LMO2: variants seen among roughly 807,000 people sequenced by gnomAD.
LMO2 encodes rhombotin-2.
LMO2 carries 20 observed loss-of-function variants against 23.2 expected under a neutral mutation model. The observed-to-expected ratio is 0.86, with a 90% CI of 0.61 to 1.25. LMO2 has a LOEUF of 1.25. Ranked by LOEUF, LMO2 falls within the 50% of genes most tolerant of loss-of-function variation. The pLI, the probability that LMO2 is intolerant of heterozygous loss-of-function variation, is 0.00. For synonymous variants in LMO2, 123 were observed against 130.2 expected (o/e 0.94, Z 0.38); for missense variants, 270 against 315.3 (o/e 0.86, Z 1.09).
intron 2 of LMO2, among the ~76,000 whole-genome samples, chr11:33,874,387 A>T (rs1022337063): frequency 6.6e-6 from 1 of 152,234 alleles, no homozygotes; most frequent in African/African-American, 2.4e-5. Context: ...CACTTCTCTG[A>T]ACCTCAGTTT....
chr11:33,876,644 T>C (rs1220207960), intron 2 of LMO2, among the ~76,000 whole-genome samples: 2 of 152,094 alleles, frequency 1.3e-5, no homozygotes, highest in Non-Finnish European at 2.9e-5. Flanking sequence ...AAACAGGTGG[T>C]GTCTGGAATT....
At chr11:33,870,540 G>T (rs1856990114) in intron 2 of LMO2, 2 of 985,866 alleles carry the variant, frequency 2.0e-6, no homozygotes, top group African/African-American at 1.7e-5. Context: ...ATGGTGGTGC[G>T]CCAGCCGGGA....
At chr11:33,865,743 C>T (rs1420588419) in intron 4 of LMO2, among the ~76,000 whole-genome samples, 1 of 152,174 alleles carries the variant, frequency 6.6e-6, no homozygotes, top group South Asian at 2.1e-4. Context: ...TTCGTTAATA[C>T]GCCATGCATA....
At chr11:33,869,657 C>A (rs1461872285) in intron 3 of LMO2, 53 bp downstream of exon 3, 16 of 1,258,934 alleles carry the variant, frequency 1.3e-5, no homozygotes, top group African/African-American at 6.4e-5. Context: ...GGGGCCGGGG[C>A]GCGCAGCCTG....
chr11:33,881,085 G>T (rs1371303331), intron 2 of LMO2: 1 of 441,372 alleles, frequency 2.3e-6, no homozygotes, highest in East Asian at 7.0e-5. Flanking sequence ...AGTATAGCAG[G>T]TCCCATCTCC....
Position 33,880,050 on chromosome 11 carries a change from T to G in LMO2, c.-272+1774A>C, listed in dbSNP as rs1430598117. ...TCAAACAAATATTTGTACACCCATG[T>G]TCACAGCAGTACTATTCACAATAGC... On this transcript the variant is annotated intron_variant, in intron 2 of 5. Transcript: ENST00000257818. This position sits in a 1 kb window ranked among gnomAD's most constrained non-coding sequence, Gnocchi z 4.3. Among the ~76,000 whole-genome samples the G allele has an allele frequency of 6.6e-6, 1 of 152,046 alleles. No individual in the cohort carries two copies. Among genetic ancestry groups the G allele is most frequent in the African/African-American group, 2.4e-5 (1 of 41,394 alleles).
At chr11:33,870,494 G>GCGGGCTC (rs1351847851) in intron 2 of LMO2, 3 of 986,686 alleles carry the variant, frequency 3.0e-6, no homozygotes, top group African/African-American at 3.5e-5. Context: ...GCTCCGGGCT[G>GCGGGCTC]CGGGCTCCGG....
At chr11:33,875,569 A>C in intron 2 of LMO2, among the ~76,000 whole-genome samples, 1 of 110,696 alleles carries the variant, frequency 9.0e-6, no homozygotes. Flanking sequence ...TAAGAGCAAA[A>C]CTCCTTCTCA....
Position 33,869,712 on chromosome 11 carries a change from T to C in LMO2, c.5A>G (p.Glu2Gly). Reference protein sequence around the residue: MEGSAVTVLERG... With the variant: MGGSAVTVLERG... ...GCTGCTGCTGCTCAGGACTTAACCT[T>C]CCATCCCGGTCCCGCCGCCGCCACC... The change falls in exon 3 of 6, where the codon GAA becomes GGA. Residue 2 changes from glutamate (E) to glycine (G), a missense_variant and splice_region_variant. Around this residue, in one of 2 missense-constraint regions of LMO2, gnomAD observed 170 missense variants for 162.0 expected, o/e 1.05. Transcript: ENST00000257818. 1.6e-6 allele frequency: 2 copies of C among 1,289,824 alleles called. No individual in the cohort carries two copies. The highest frequency in any genetic ancestry group is 2.0e-6 in the Non-Finnish European group (2 of 998,360). The allele number at this position is 1,289,824 out of a possible 1,614,324, so 79.9% of individuals were successfully genotyped here. A position where few individuals can be genotyped will look rare whatever the true frequency, so the allele number is the denominator to read the frequency against.
chr11:33,891,319 T>C (rs1857540035), intron 1 of LMO2, among the ~76,000 whole-genome samples: 1 of 150,846 alleles, frequency 6.6e-6, no homozygotes, highest in Non-Finnish European at 1.5e-5. Context: ...GCCCCACCTC[T>C]TCGTCATTGC....
At chr11:33,877,880 A>AAG (rs1857173871) in intron 2 of LMO2, among the ~76,000 whole-genome samples, 1 of 151,176 alleles carries the variant, frequency 6.6e-6, no homozygotes, top group Admixed American at 6.6e-5. Flanking sequence ...GCAAAAAAAA[A>AAG]CAGAGAAAGA....
intron 1 of LMO2, among the ~76,000 whole-genome samples, chr11:33,890,826 T>C (rs1857528908): frequency 1.3e-5 from 2 of 152,210 alleles, no homozygotes; most frequent in Non-Finnish European, 2.9e-5. Flanking sequence ...GGTACCCCTA[T>C]ATTACAAATG....
chr11:33,871,244 C>G (rs1257813787), intron 2 of LMO2, among the ~76,000 whole-genome samples: 1 of 131,230 alleles, frequency 7.6e-6, no homozygotes, highest in African/African-American at 2.9e-5. Context: ...TGTGTGTGTC[C>G]CAAAGGAAGC....
Position 33,869,319 on chromosome 11 carries a change from T to C in LMO2, c.248+27A>G, listed in dbSNP as rs4756072. The C allele has an allele frequency of 5.6e-5, 63 of 1,119,668 alleles. 1 individual carries two copies. The highest frequency in any genetic ancestry group is 3.9e-4 in the Middle Eastern group (1 of 2,568). The allele number at this position is 1,119,668 out of a possible 1,614,324, so 69.4% of individuals were successfully genotyped here. A position where few individuals can be genotyped will look rare whatever the true frequency, so the allele number is the denominator to read the frequency against. On this transcript the variant is annotated intron_variant, in intron 4 of 5. Coordinates refer to ENST00000257818, the MANE Select transcript of LMO2 (RefSeq NM_005574.4). The stretch of plus-strand genomic sequence containing the variant: ...GACGCGAGGCCGTGGACACCGGGGG[T>C]GGCAGGGGCAGGGGGGCCGCACTTA...
intron 2 of LMO2, among the ~76,000 whole-genome samples, chr11:33,877,518 G>T (rs1857164523): frequency 7.1e-6 from 1 of 140,902 alleles, no homozygotes; most frequent in African/African-American, 2.7e-5. Flanking sequence ...AGGCTGGAGT[G>T]CGGTGGCGTG....
chr11:33,869,052 TC>T (rs1361610289), intron 4 of LMO2, among the ~76,000 whole-genome samples: 1 of 152,194 alleles, frequency 6.6e-6, no homozygotes, highest in African/African-American at 2.4e-5. Context: ...TCGTGCCTGC[TC>T]CCGTGCAAAC....
In LMO2 at chr11:33,869,595, G is replaced by A; in HGVS notation, c.8-9C>T. On this transcript the variant is annotated splice_polypyrimidine_tract_variant and intron_variant, in intron 3 of 5. Transcript: ENST00000257818. ...GACAGTCACCGCGCTCCCTTCAAAC[G>A]CCAAAGAGAGAGAGCGAATCACCGG... 4 of 1,283,078 alleles carry A rather than the reference G, an allele frequency of 3.1e-6. No individual in the cohort carries two copies. The highest frequency in any genetic ancestry group is 4.0e-6 in the Non-Finnish European group (4 of 1,005,188). The allele number at this position is 1,283,078 out of a possible 1,614,324, so 79.5% of individuals were successfully genotyped here.
At chr11:33,863,372 G>A (rs912877123) in intron 5 of LMO2, among the ~76,000 whole-genome samples, 1 of 152,156 alleles carries the variant, frequency 6.6e-6, no homozygotes, top group African/African-American at 2.4e-5. Flanking sequence ...CAGTCTTTAG[G>A]TAAAGCTTCC....
intron 1 of LMO2, among the ~76,000 whole-genome samples, chr11:33,888,722 G>A (rs187559730): frequency 6.6e-6 from 1 of 152,252 alleles, no homozygotes; most frequent in Admixed American, 6.5e-5. Flanking sequence ...ATGTGTACTT[G>A]CTTATTTGAT....
Sources: gnomAD v4.1 joint callset for allele counts (sites outside exome capture counted in the v4.1 genomes callset) on GRCh38, gnomAD v4.1.1 for gene constraint, gnomAD v4.1.1 regional missense constraint, Gnocchi (gnomAD v3.1) non-coding constraint, MANE v1.5 for transcripts, NCBI Gene and HGNC (gene_info 2026-07-23, HGNC 2026-07-21) for gene names.